Variants in ARSF observed in about 807,000 individuals in gnomAD.
ARSF encodes arylsulfatase F.
In ARSF, 33 loss-of-function variants were observed where a neutral mutation model predicts 35.4. The observed-to-expected ratio is 0.93, with a 90% confidence interval of 0.71 to 1.25. The LOEUF is 1.25. Among genes scored for constraint, ARSF ranks in the 50% most tolerant of loss-of-function variants. ARSF has a pLI of 0.00. For missense variants in ARSF, 501 were observed against 480.2 expected (o/e 1.04, Z -0.40); for synonymous variants, 222 against 193.1 (o/e 1.15, Z -1.24).
chrX:3,091,968 AGATT>A (rs769747945), intron 7 of ARSF, among the ~76,000 whole-genome samples: 2 of 111,317 alleles, frequency 1.8e-5, no homozygotes, highest in Admixed American at 9.6e-5. Flanking sequence ...GACAGATGAT[AGATT>A]GATAGATTAT....
At position 3,089,476 on chromosome X, in the gene ARSF, T is replaced by G; in HGVS notation, c.831-20T>G. 1 of 1,208,788 alleles carries G rather than the reference T, an allele frequency of 8.3e-7. No individual in the cohort carries two copies. On this transcript the variant is annotated intron_variant, in intron 6 of 10. Coordinates refer to ENST00000381127, the MANE Select transcript of ARSF (RefSeq NM_001201539.2). Reference sequence around the variant, plus strand: ...ATAGATATTGAAAACTCACAAGTAGTTTCATTGATGTCTTCTCAGGCACAG... The same window carrying G: ...ATAGATATTGAAAACTCACAAGTAGGTTCATTGATGTCTTCTCAGGCACAG...
chrX:3,055,429 A>G (rs1044324620), intron 1 of ARSF, among the ~76,000 whole-genome samples: 1 of 109,511 alleles, frequency 9.1e-6, no homozygotes. Flanking sequence ...CTATTGCTGG[A>G]CAAGATTGCC....
intron 7 of ARSF, among the ~76,000 whole-genome samples, chrX:3,091,606 G>A (rs768766971): frequency 8.9e-6 from 1 of 112,227 alleles, no homozygotes; most frequent in East Asian, 2.8e-4. Context: ...AATTTGCATA[G>A]TCTTAAACAC....
intron 6 of ARSF, among the ~76,000 whole-genome samples, chrX:3,087,961 A>T (rs1184070759): frequency 1.8e-5 from 2 of 112,318 alleles, no homozygotes; most frequent in African/African-American, 6.5e-5. Context: ...AGACACCATG[A>T]CATAAGTCTT....
At chrX:3,109,690 T>C (rs1269123037) in intron 9 of ARSF, among the ~76,000 whole-genome samples, 1 of 111,876 alleles carries the variant, frequency 8.9e-6, no homozygotes, top group Non-Finnish European at 1.9e-5. Flanking sequence ...AACATGGTGA[T>C]TGGTTTTCTG....
intron 1 of ARSF, among the ~76,000 whole-genome samples, chrX:3,050,672 TG>T (rs1603463988): frequency 1.8e-5 from 2 of 111,181 alleles, no homozygotes; most frequent in Admixed American, 9.6e-5. Context: ...TTTTATAGGT[TG>T]GCATGCTTCT....
At chrX:3,052,187 C>T (rs757315258) in intron 1 of ARSF, among the ~76,000 whole-genome samples, 1 of 112,033 alleles carries the variant, frequency 8.9e-6, no homozygotes, top group East Asian at 2.8e-4. Flanking sequence ...CACCGAGCTT[C>T]TGCTAAGAAA....
intron 7 of ARSF, among the ~76,000 whole-genome samples, chrX:3,094,601 T>C (rs2147530965): frequency 9.0e-6 from 1 of 110,903 alleles, no homozygotes; most frequent in East Asian, 2.8e-4. Context: ...GAAAGTAAAA[T>C]GTGCAAAAAT....
At chrX:3,084,106 G>A (rs2090225931) in intron 5 of ARSF, 137 bp from the exon 6 acceptor site, 6 of 774,538 alleles carry the variant, frequency 7.7e-6, no homozygotes, top group Middle Eastern at 8.5e-4. Flanking sequence ...TTTTTTAGAG[G>A]AAGGAGAATA....
chrX:3,077,706 T>G (rs2090163187), intron 4 of ARSF, among the ~76,000 whole-genome samples: 1 of 110,225 alleles, frequency 9.1e-6, no homozygotes, highest in South Asian at 3.9e-4. Context: ...GCTATCAGAT[T>G]TTTGGACAAC....
rs758069595 is a variant in ARSF, at chrX:3,084,562, C to G, written c.726C>G (p.Tyr242Ter). 1 of 1,211,646 alleles carries G rather than the reference C, an allele frequency of 8.3e-7. No individual in the cohort carries two copies. Among genetic ancestry groups the G allele is most frequent in the Admixed American group, 2.2e-5 (1 of 46,010 alleles). ...TCTCCAGCCACACGTCCCCTTTATACTGGGACTGCCTCCTCATGCGGGGGC... is the reference window on the plus strand; with the variant it reads ...TCTCCAGCCACACGTCCCCTTTATAGTGGGACTGCCTCCTCATGCGGGGGC... ...AWFSSHTSPL[Y>*]WDCLLMRGHE... Residue 242 changes from tyrosine (Y) to a stop codon, truncating the protein, a stop_gained, in exon 6 of 11, where the codon TAC becomes TAG. Coordinates refer to ENST00000381127, the MANE Select transcript of ARSF (RefSeq NM_001201539.2). LOFTEE classifies it high-confidence loss of function.
At chrX:3,090,558 C>T (rs1012826544) in intron 7 of ARSF, among the ~76,000 whole-genome samples, 3 of 111,926 alleles carry the variant, frequency 2.7e-5, no homozygotes, top group African/African-American at 9.7e-5. Flanking sequence ...GTCCCAGCTA[C>T]TTAGGAGACT....
intron 9 of ARSF, among the ~76,000 whole-genome samples, chrX:3,104,586 A>G (rs1034724987): frequency 1.0e-3 from 113 of 112,285 alleles, no homozygotes; most frequent in African/African-American, 3.4e-3. Context: ...GTGTATACCA[A>G]GTAGTTGGAT....
chrX:3,091,222 C>A (rs1603464802), intron 7 of ARSF, among the ~76,000 whole-genome samples: 2 of 111,965 alleles, frequency 1.8e-5, no homozygotes, highest in African/African-American at 3.2e-5. Flanking sequence ...GCCCACATAT[C>A]TTTTTGATAG....
intron 5 of ARSF, among the ~76,000 whole-genome samples, chrX:3,083,778 T>C (rs1325314316): frequency 9.0e-6 from 1 of 111,450 alleles, no homozygotes; most frequent in Non-Finnish European, 1.9e-5. Context: ...CATCTATTCT[T>C]CCATCAACTA....
chrX:3,094,002 G>C (rs972584746), intron 7 of ARSF, among the ~76,000 whole-genome samples: 23 of 111,602 alleles, frequency 2.1e-4, no homozygotes, highest in African/African-American at 7.5e-4. Flanking sequence ...TGGATACATT[G>C]AAAGTAATGA....
intron 7 of ARSF, among the ~76,000 whole-genome samples, chrX:3,096,405 T>C (rs1162822403): frequency 9.0e-6 from 1 of 111,031 alleles, no homozygotes; most frequent in African/African-American, 3.3e-5. Context: ...GAAGAGTGGA[T>C]TGTATACATG....
chrX:3,102,910 CAA>C (rs1331551060), intron 8 of ARSF, among the ~76,000 whole-genome samples: 1 of 96,756 alleles, frequency 1.0e-5, no homozygotes, highest in Admixed American at 1.1e-4. Flanking sequence ...GACTCCATCT[CAA>C]AAAAAAAAAA....
chrX:3,108,706 T>C (rs2090425090), intron 9 of ARSF, among the ~76,000 whole-genome samples: 1 of 112,075 alleles, frequency 8.9e-6, no homozygotes. Flanking sequence ...ATAGTAAATA[T>C]AGTTTTATTT....
Sources: gnomAD v4.1 joint callset for allele counts (sites outside exome capture counted in the v4.1 genomes callset) on GRCh38, gnomAD v4.1.1 for gene constraint, MANE v1.5 for transcripts, NCBI Gene and HGNC (gene_info 2026-07-23, HGNC 2026-07-21) for gene names.